RSRC1: variants seen among roughly 807,000 people sequenced by gnomAD.
RSRC1 encodes the protein serine/Arginine-related protein 53.
In RSRC1, 39 loss-of-function variants were observed where a neutral mutation model predicts 49.1. The observed-to-expected ratio is 0.79, with a 90% CI of 0.61 to 1.04. The LOEUF is 1.04. Ranked by LOEUF, RSRC1 falls within the 50% of genes least tolerant of loss-of-function variation. RSRC1 has a pLI of 0.00. For missense variants in RSRC1, 388 were observed against 402.4 expected, an observed-to-expected ratio of 0.96 and a Z score of 0.31; for synonymous variants, 143 against 130.8, an observed-to-expected ratio of 1.09 and a Z score of -0.63.
At chr3:158,468,334 TA>T (rs1408319417) in intron 7 of RSRC1, among the ~76,000 whole-genome samples, 7 of 152,220 alleles carry the variant, frequency 4.6e-5, no homozygotes, top group African/African-American at 1.7e-4. Context: ...GAGACACTTT[TA>T]TTGAAAAATT....
intron 4 of RSRC1, among the ~76,000 whole-genome samples, chr3:158,228,812 TGATC>T: frequency 8.2e-6 from 1 of 122,630 alleles, no homozygotes; most frequent in Non-Finnish European, 1.7e-5. Context: ...TATATGTCTA[TGATC>T]ATAGACACAC....
chr3:158,543,578 A>G (rs2108510814), intron 9 of RSRC1, 91 bp downstream of exon 9: 2 of 1,321,936 alleles, frequency 1.5e-6, no homozygotes, highest in Admixed American at 4.8e-5. Context: ...CACCAAGGAG[A>G]CCATTGGAGG....
intron 1 of RSRC1, among the ~76,000 whole-genome samples, chr3:158,118,034 C>T (rs1381387472): frequency 3.9e-5 from 6 of 152,028 alleles, no homozygotes; most frequent in South Asian, 2.1e-4. Context: ...ACTGTAGCCT[C>T]GCCCACTTGG....
At chr3:158,272,263 A>G (rs978688454) in intron 4 of RSRC1, among the ~76,000 whole-genome samples, 1 of 152,144 alleles carries the variant, frequency 6.6e-6, no homozygotes, top group Non-Finnish European at 1.5e-5. Context: ...TATTGAATGG[A>G]ATAACAGTGT....
intron 1 of RSRC1, among the ~76,000 whole-genome samples, chr3:158,113,034 C>T (rs1714519618): frequency 6.6e-6 from 1 of 152,118 alleles, no homozygotes; most frequent in African/African-American, 2.4e-5. Context: ...TTTCTTTATT[C>T]AGTCTATCAT....
At chr3:158,499,641 T>C (rs1319814617) in intron 7 of RSRC1, among the ~76,000 whole-genome samples, 1 of 152,190 alleles carries the variant, frequency 6.6e-6, no homozygotes, top group Non-Finnish European at 1.5e-5. Flanking sequence ...ATTTTTCAGC[T>C]ATTGTAAAAG....
intron 3 of RSRC1, among the ~76,000 whole-genome samples, chr3:158,196,342 A>G (rs1720613120): frequency 6.6e-6 from 1 of 152,192 alleles, no homozygotes; most frequent in Non-Finnish European, 1.5e-5. Context: ...ATGTTTGCAC[A>G]CTGATTTTGT....
intron 6 of RSRC1, among the ~76,000 whole-genome samples, chr3:158,387,111 A>C (rs138611916): frequency 4.2e-4 from 64 of 152,208 alleles, no homozygotes; most frequent in African/African-American, 1.5e-3. Context: ...TTTTCCAGAT[A>C]TGACCTCTGA....
At chr3:158,345,206 G>A (rs1342890057) in intron 5 of RSRC1, among the ~76,000 whole-genome samples, 3 of 150,232 alleles carry the variant, frequency 2.0e-5, no homozygotes, top group Non-Finnish European at 4.4e-5. Flanking sequence ...CAGTGTGGGC[G>A]ACAGAGCAAG....
chr3:158,164,185 A>G (rs2108228982), intron 3 of RSRC1, among the ~76,000 whole-genome samples: 1 of 152,308 alleles, frequency 6.6e-6, no homozygotes, highest in Non-Finnish European at 1.5e-5. Context: ...AAACTTCTAT[A>G]GGCTTATCTT....
At chr3:158,129,436 G>T (rs1715859692) in intron 3 of RSRC1, among the ~76,000 whole-genome samples, 1 of 151,578 alleles carries the variant, frequency 6.6e-6, no homozygotes, top group African/African-American at 2.4e-5. Context: ...GATTACAGGT[G>T]CCCACCACCA....
At chr3:158,348,402 C>T (rs1040489040) in intron 5 of RSRC1, among the ~76,000 whole-genome samples, 2 of 151,968 alleles carry the variant, frequency 1.3e-5, no homozygotes, top group Non-Finnish European at 2.9e-5. Flanking sequence ...TGAATGTATG[C>T]TTTGGCAGTA....
chr3:158,437,016 C>A (rs1736076663), intron 6 of RSRC1, among the ~76,000 whole-genome samples: 1 of 114,584 alleles, frequency 8.7e-6, no homozygotes, highest in African/African-American at 3.6e-5. Flanking sequence ...GCTATAATAC[C>A]TCATAGTAAT....
intron 7 of RSRC1, among the ~76,000 whole-genome samples, chr3:158,517,289 A>G (rs1740620439): frequency 6.6e-6 from 1 of 152,162 alleles, no homozygotes; most frequent in African/African-American, 2.4e-5. Flanking sequence ...GGTTTTCTAT[A>G]AATACAATCA....
intron 3 of RSRC1, among the ~76,000 whole-genome samples, chr3:158,153,600 G>A (rs1378410733): frequency 6.6e-6 from 1 of 152,176 alleles, no homozygotes; most frequent in Non-Finnish European, 1.5e-5. Flanking sequence ...TAAATAGATG[G>A]TGGAGTTACT....
chr3:158,439,243 G>A (rs1482635428), intron 6 of RSRC1, among the ~76,000 whole-genome samples: 1 of 152,136 alleles, frequency 6.6e-6, no homozygotes, highest in East Asian at 1.9e-4. Flanking sequence ...AACCATTGTG[G>A]AAGACAGTGT....
chr3:158,426,782 G>A (rs1290911468), intron 6 of RSRC1, among the ~76,000 whole-genome samples: 3 of 151,742 alleles, frequency 2.0e-5, no homozygotes, highest in Admixed American at 2.0e-4. Flanking sequence ...GGAGAAGTGA[G>A]ACAGTGTTTA....
At chr3:158,425,859 A>G (rs371273571) in intron 6 of RSRC1, among the ~76,000 whole-genome samples, 1 of 151,794 alleles carries the variant, frequency 6.6e-6, no homozygotes, top group Non-Finnish European at 1.5e-5. Flanking sequence ...AGTTTAATCA[A>G]GACAACTTCG....
chr3:158,121,513 G>A (rs1715258608), intron 1 of RSRC1, among the ~76,000 whole-genome samples: 2 of 152,200 alleles, frequency 1.3e-5, no homozygotes, highest in African/African-American at 2.4e-5. Context: ...TCTCCCCTGA[G>A]TTTCACAAGT....
Sources: gnomAD v4.1 joint callset for allele counts (sites outside exome capture counted in the v4.1 genomes callset) on GRCh38, gnomAD v4.1.1 for gene constraint, MANE v1.5 for transcripts, NCBI Gene and HGNC (gene_info 2026-07-23, HGNC 2026-07-21) for gene names.